The following SOX5 variants were observed in gnomAD, a reference collection of about 807,000 sequenced individuals.
SOX5 encodes SRY-box transcription factor 5, also known as transcription factor SOX-5.
Under a neutral mutation model 92.0 loss-of-function variants are expected in SOX5, and 9 were observed. That is an observed-to-expected ratio of 0.10 (90% confidence interval 0.06 to 0.17). SOX5 has a LOEUF of 0.17. Among genes scored for constraint, SOX5 ranks in the 10% least tolerant of loss-of-function variants. The pLI, the probability that SOX5 is intolerant of heterozygous loss-of-function variation, is 1.00. For synonymous variants in SOX5, 344 were observed against 336.3 expected (o/e 1.02, Z -0.25); for missense variants, 642 against 944.5 (o/e 0.68, Z 4.20).
In SOX5 at chr12:23,532,163, G is replaced by A. The variant is rs1939229047; in HGVS notation, c.*2056C>T. On this transcript the variant is annotated 3_prime_UTR_variant, in exon 15 of 15. Transcript: ENST00000451604. ...CATCATTACAACACTAGCAAAAAGA[G>A]GCAGTTCAAATGTAAATAAAGTCAT... 6.6e-6 allele frequency: 1 copy of A among 151,052 alleles called. No homozygotes were observed. The highest frequency in any genetic ancestry group is 1.9e-4 in the East Asian group (1 of 5,170). The allele number at this position is 151,052 out of a possible 1,614,324, so 9.4% of individuals were successfully genotyped here. A position where few individuals can be genotyped will look rare whatever the true frequency, so the allele number is the denominator to read the frequency against.
chr12:24,076,569 C>A (rs1336369884), intron 4 of SOX5, among the ~76,000 whole-genome samples: 1 of 152,102 alleles, frequency 6.6e-6, no homozygotes, highest in Non-Finnish European at 1.5e-5. Flanking sequence ...ATGTCACTTG[C>A]CCCTTGCAAA....
intron 4 of SOX5, among the ~76,000 whole-genome samples, chr12:23,998,579 T>C (rs993969000): frequency 1.3e-5 from 2 of 151,486 alleles, no homozygotes; most frequent in Non-Finnish European, 2.9e-5. Flanking sequence ...CTGAGGCTGG[T>C]GGATCACGAG....
intron 4 of SOX5, among the ~76,000 whole-genome samples, chr12:24,080,584 A>G (rs1335345951): frequency 6.6e-6 from 1 of 151,954 alleles, no homozygotes; most frequent in African/African-American, 2.4e-5. Flanking sequence ...TTGTCTGTCT[A>G]TTTACTTCAC....
At chr12:24,082,492 ATATAG>A (rs2040259038) in intron 4 of SOX5, among the ~76,000 whole-genome samples, 1 of 150,742 alleles carries the variant, frequency 6.6e-6, no homozygotes, top group African/African-American at 2.4e-5. Flanking sequence ...TTTGCAAGCT[ATATAG>A]TAAAGTTGTT....
Position 23,776,851 on chromosome 12 carries a change from G to A in SOX5, c.482-21127C>T, listed in dbSNP as rs558307851. ...CCACTCACCTCCTGCTGTGCAGCCC[G>A]GTTCCTAACAGGCCACGGACCAGTA... On this transcript the variant is annotated intron_variant, in intron 3 of 14. Transcript: ENST00000451604. 1.5e-4 allele frequency among the ~76,000 whole-genome samples: 23 copies of A among 152,168 alleles called. No individual in the cohort carries two copies. In the South Asian group the frequency reaches 2.7e-3, roughly 18 times the overall value.
chr12:23,592,046 TC>T (rs1259396765), intron 9 of SOX5, among the ~76,000 whole-genome samples: 1 of 152,138 alleles, frequency 6.6e-6, no homozygotes, highest in Non-Finnish European at 1.5e-5. Flanking sequence ...ATTCCTTGGT[TC>T]TTTAAAGGTC....
At chr12:24,135,800 G>A (rs917672927) in intron 4 of SOX5, among the ~76,000 whole-genome samples, 9 of 152,102 alleles carry the variant, frequency 5.9e-5, no homozygotes, top group African/African-American at 2.2e-4. Flanking sequence ...CAAGTGGAGG[G>A]GGAGGTGGAA....
chr12:24,410,899 TGAG>T (rs1963952697), intron 1 of SOX5, among the ~76,000 whole-genome samples: 3 of 152,212 alleles, frequency 2.0e-5, no homozygotes, highest in East Asian at 1.9e-4. Flanking sequence ...TGTGTCAGTT[TGAG>T]GAGAACTGCC....
At chr12:23,597,347 C>T (rs916721552) in intron 9 of SOX5, among the ~76,000 whole-genome samples, 27 of 152,252 alleles carry the variant, frequency 1.8e-4, no homozygotes, top group Middle Eastern at 6.8e-3. Flanking sequence ...ATGTGACCAA[C>T]CCTCAACTTT....
At chr12:24,321,572 A>G (rs1950213186) in intron 2 of SOX5, among the ~76,000 whole-genome samples, 2 of 152,218 alleles carry the variant, frequency 1.3e-5, no homozygotes, top group South Asian at 2.1e-4. Context: ...TGAATATCAC[A>G]TACTCATTTC....
intron 4 of SOX5, among the ~76,000 whole-genome samples, chr12:24,000,488 T>A (rs569543139): frequency 3.1e-4 from 47 of 152,194 alleles, no homozygotes; most frequent in Non-Finnish European, 4.6e-4. Flanking sequence ...CCAACTGATC[T>A]ACATTGTGAT....
At chr12:23,694,131 T>G (rs998173807) in intron 6 of SOX5, among the ~76,000 whole-genome samples, 4 of 152,220 alleles carry the variant, frequency 2.6e-5, no homozygotes, top group African/African-American at 9.6e-5. Context: ...TTTAGTCTAC[T>G]TGTGAGATTT....
chr12:24,032,278 AG>A (rs1955590532), intron 4 of SOX5, among the ~76,000 whole-genome samples: 2 of 151,842 alleles, frequency 1.3e-5, no homozygotes, highest in Non-Finnish European at 2.9e-5. Context: ...TGAAAAAAAA[AG>A]GTATCATTAC....
At chr12:24,194,048 A>G (rs1358426778) in intron 4 of SOX5, among the ~76,000 whole-genome samples, 2 of 152,180 alleles carry the variant, frequency 1.3e-5, no homozygotes, top group Non-Finnish European at 2.9e-5. Context: ...ATAAAACTAT[A>G]TAAAAGTGGC....
At chr12:23,887,101 C>T (rs191534178) in intron 2 of SOX5, among the ~76,000 whole-genome samples, 184 of 152,222 alleles carry the variant, frequency 1.2e-3, no homozygotes, top group Non-Finnish European at 2.1e-3. Context: ...TTACTAAAAA[C>T]GAGTTAAAAC....
intron 2 of SOX5, among the ~76,000 whole-genome samples, chr12:23,885,731 A>G (rs1056566250): frequency 6.6e-6 from 1 of 152,194 alleles, no homozygotes; most frequent in African/African-American, 2.4e-5. Flanking sequence ...CAAAGGAGAT[A>G]TGTAACCAAA....
intron 4 of SOX5, among the ~76,000 whole-genome samples, chr12:24,198,248 GA>G (rs1445477877): frequency 2.6e-5 from 4 of 151,924 alleles, no homozygotes; most frequent in Non-Finnish European, 4.4e-5. Flanking sequence ...AAAGAAAGGA[GA>G]GGGAGGGGTT....
intron 1 of SOX5, among the ~76,000 whole-genome samples, chr12:24,462,433 T>C (rs561213205): frequency 1.3e-5 from 2 of 152,332 alleles, no homozygotes; most frequent in East Asian, 3.9e-4. Flanking sequence ...TTCATGATAT[T>C]ATTGTCATGT....
At chr12:24,064,854 G>A (rs948743005) in intron 4 of SOX5, among the ~76,000 whole-genome samples, 7 of 152,180 alleles carry the variant, frequency 4.6e-5, no homozygotes, top group African/African-American at 1.7e-4. Context: ...GGGTTCATGT[G>A]ACAGAGGTTA....
Sources: gnomAD v4.1 joint callset for allele counts (sites outside exome capture counted in the v4.1 genomes callset) on GRCh38, gnomAD v4.1.1 for gene constraint, MANE v1.5 for transcripts, NCBI Gene and HGNC (gene_info 2026-07-23, HGNC 2026-07-21) for gene names.